Variants in KCNQ5 observed in about 807,000 individuals in gnomAD.
KCNQ5 encodes potassium voltage-gated channel subfamily KQT member 5.
Under a neutral mutation model 98.2 loss-of-function variants are expected in KCNQ5, and 30 were observed. The observed-to-expected ratio is 0.31, with a 90% CI of 0.23 to 0.41. The LOEUF is 0.41. Ranked by LOEUF, KCNQ5 falls within the 10% of genes least tolerant of loss-of-function variation. The pLI is 1.00. For missense variants in KCNQ5, 835 were observed against 1,182.5 expected (o/e 0.71, Z 4.31); for synonymous variants, 458 against 449.4 (o/e 1.02, Z -0.24).
At chr6:72,888,470 A>T (rs1472176052) in intron 1 of KCNQ5, among the ~76,000 whole-genome samples, 1 of 152,176 alleles carries the variant, frequency 6.6e-6, no homozygotes, top group East Asian at 1.9e-4. Context: ...AAAATGCAGA[A>T]AATCACTGAA....
chr6:72,720,683 T>C (rs183773811), intron 1 of KCNQ5, among the ~76,000 whole-genome samples: 1 of 152,324 alleles, frequency 6.6e-6, no homozygotes, highest in African/African-American at 2.4e-5. Flanking sequence ...TTCATAAAAC[T>C]CCTAGAAATG....
chr6:72,968,518 T>C (rs1343516896), intron 1 of KCNQ5, among the ~76,000 whole-genome samples: 1 of 152,094 alleles, frequency 6.6e-6, no homozygotes, highest in African/African-American at 2.4e-5. Context: ...TTGATGATAT[T>C]GATTATTTGA....
chr6:72,933,785 T>C (rs561001482), intron 1 of KCNQ5, among the ~76,000 whole-genome samples: 1 of 152,294 alleles, frequency 6.6e-6, no homozygotes, highest in South Asian at 2.1e-4. Flanking sequence ...ATAGTAGCCA[T>C]TTGGTAGAGG....
intron 1 of KCNQ5, among the ~76,000 whole-genome samples, chr6:72,958,488 C>T (rs538760010): frequency 2.0e-4 from 31 of 152,304 alleles, no homozygotes; most frequent in Admixed American, 7.2e-4. Context: ...CCACTCCCTT[C>T]ATCAAACATG....
At chr6:73,000,447 A>G (rs540212201) in intron 1 of KCNQ5, among the ~76,000 whole-genome samples, 1 of 152,292 alleles carries the variant, frequency 6.6e-6, no homozygotes, top group African/African-American at 2.4e-5. Context: ...AACATGTTCC[A>G]TACATTTACT....
intron 5 of KCNQ5, among the ~76,000 whole-genome samples, chr6:73,084,973 A>G (rs1054438605): frequency 6.6e-6 from 1 of 152,240 alleles, no homozygotes; most frequent in African/African-American, 2.4e-5. Context: ...ACTGATAAAC[A>G]TTAGCAGGGC....
chr6:72,701,677 A>T (rs1768815465), intron 1 of KCNQ5, among the ~76,000 whole-genome samples: 2 of 151,842 alleles, frequency 1.3e-5, no homozygotes, highest in Non-Finnish European at 2.9e-5. Context: ...CCTGAGCTCA[A>T]GCAATTCTCC....
At chr6:72,852,661 A>ATATATATATATATATATAT (rs60436919) in intron 1 of KCNQ5, among the ~76,000 whole-genome samples, 12 of 125,378 alleles carry the variant, frequency 9.6e-5, no homozygotes, top group East Asian at 8.9e-4. Flanking sequence ...ATATATATAT[A>ATATATATATATATATATAT]AATGGCACTT....
intron 5 of KCNQ5, among the ~76,000 whole-genome samples, chr6:73,102,591 A>C (rs1295513296): frequency 6.6e-6 from 1 of 152,188 alleles, no homozygotes; most frequent in South Asian, 2.1e-4. Context: ...ATCTAAATAG[A>C]TATTTCTCAA....
At chr6:72,903,718 T>C (rs998425517) in intron 1 of KCNQ5, among the ~76,000 whole-genome samples, 1 of 152,206 alleles carries the variant, frequency 6.6e-6, no homozygotes, top group Non-Finnish European at 1.5e-5. Context: ...TTCAATTTTC[T>C]TAAATTTATT....
At chr6:73,120,227 C>G (rs1775689920) in intron 7 of KCNQ5, among the ~76,000 whole-genome samples, 2 of 152,010 alleles carry the variant, frequency 1.3e-5, no homozygotes, top group African/African-American at 4.8e-5. Context: ...GCCTGGGCAA[C>G]AGAGTGAGAG....
chr6:72,798,274 C>T (rs1774445543), intron 1 of KCNQ5, among the ~76,000 whole-genome samples: 2 of 152,136 alleles, frequency 1.3e-5, no homozygotes, highest in African/African-American at 2.4e-5. Context: ...ATCTTTTAAG[C>T]TGGTATTATG....
At chr6:72,794,270 A>G (rs1178689674) in intron 1 of KCNQ5, among the ~76,000 whole-genome samples, 1 of 152,128 alleles carries the variant, frequency 6.6e-6, no homozygotes, top group South Asian at 2.1e-4. Context: ...AAAATGTGGT[A>G]TCTCCACTGA....
intron 1 of KCNQ5, among the ~76,000 whole-genome samples, chr6:72,797,181 A>G (rs550211375): frequency 2.0e-5 from 3 of 152,202 alleles, no homozygotes; most frequent in East Asian, 3.9e-4. Flanking sequence ...TCAAATAAAA[A>G]CTCACAATGC....
At chr6:72,647,341 AAGAG>A (rs1252065414) in intron 1 of KCNQ5, among the ~76,000 whole-genome samples, 3 of 152,152 alleles carry the variant, frequency 2.0e-5, no homozygotes, top group Middle Eastern at 3.4e-3. Context: ...GAGTCATGGC[AAGAG>A]AGAGAGAGTG....
intron 11 of KCNQ5, among the ~76,000 whole-genome samples, chr6:73,170,281 A>C (rs927127936): frequency 1.3e-5 from 2 of 152,190 alleles, no homozygotes; most frequent in African/African-American, 4.8e-5. Context: ...GGAAACCTAA[A>C]GTATTTTGCA....
chr6:72,654,605 A>G (rs1766050379), intron 1 of KCNQ5, among the ~76,000 whole-genome samples: 2 of 152,084 alleles, frequency 1.3e-5, no homozygotes, highest in African/African-American at 4.8e-5. Flanking sequence ...CTGAAGACAT[A>G]TCAAGAGAGT....
chr6:73,078,009 G>A, intron 5 of KCNQ5, 122 bp downstream of exon 5: 2 of 770,620 alleles, frequency 2.6e-6, no homozygotes, highest in Non-Finnish European at 3.8e-6. Context: ...GAGTTATATG[G>A]AAAATAAATA....
At chr6:73,031,819 G>C (rs555970510) in intron 2 of KCNQ5, among the ~76,000 whole-genome samples, 1 of 152,210 alleles carries the variant, frequency 6.6e-6, no homozygotes. Context: ...TTAGCTATAT[G>C]AAACTCTGTA....
Sources: allele counts gnomAD v4.1 joint callset (sites outside exome capture counted in the v4.1 genomes callset), GRCh38; gene constraint gnomAD v4.1.1; transcripts MANE v1.5; gene names NCBI Gene and HGNC (gene_info 2026-07-23, HGNC 2026-07-21).